The following TTC7B variants were observed in gnomAD, a reference collection of about 807,000 sequenced individuals.
TTC7B encodes tetratricopeptide repeat protein 7B.
A neutral mutation model predicts 106.8 loss-of-function variants in TTC7B; 28 were observed. That is an observed-to-expected ratio of 0.26 (90% CI 0.19 to 0.36). The LOEUF is 0.36. Among genes scored for constraint, TTC7B ranks in the 10% least tolerant of loss-of-function variants. The probability of loss-of-function intolerance (pLI) is 1.00; values close to 1 mark genes in which losing one functional copy is unlikely to be tolerated. For missense variants in TTC7B, 862 were observed against 1,076.4 expected (o/e 0.80, Z 2.79); for synonymous variants, 405 against 430.6 (o/e 0.94, Z 0.74).
intron 5 of TTC7B, among the ~76,000 whole-genome samples, chr14:90,729,084 T>C (rs781350763): frequency 6.6e-6 from 1 of 152,230 alleles, no homozygotes; most frequent in African/African-American, 2.4e-5. Context: ...CAGCCTTTTG[T>C]AGGCCATGTG....
intron 18 of TTC7B, among the ~76,000 whole-genome samples, chr14:90,592,369 G>C (rs1891993778): frequency 6.6e-6 from 1 of 152,186 alleles, no homozygotes. Flanking sequence ...TAAATCCACA[G>C]CCATTATTTC....
chr14:90,736,150 C>CTATATATATATATATATATATATA (rs36062485), intron 4 of TTC7B, among the ~76,000 whole-genome samples: 211 of 146,612 alleles, frequency 1.4e-3, no homozygotes, highest in African/African-American at 5.0e-3. Context: ...TAATTTAGAG[C>CTATATATATATATATATATATATA]TATATATATA....
chr14:90,603,155 C>A, intron 17 of TTC7B: 3 of 828,974 alleles, frequency 3.6e-6, no homozygotes, highest in South Asian at 1.5e-5. Flanking sequence ...GTCATCTCAG[C>A]ATTCTCAGCA....
At chr14:90,728,337 C>CAAAAAAAAAAAAAAAAAAAAA (rs35504744) in intron 5 of TTC7B, among the ~76,000 whole-genome samples, 1 of 40,036 alleles carries the variant, frequency 2.5e-5, no homozygotes, top group African/African-American at 1.1e-4. Flanking sequence ...GTCCCCCCCG[C>CAAAAAAAAAAAAAAAAAAAAA]AAAAAAAAAA....
Position 90,535,751 on chromosome 14 carries a change from G to A in TTC7B, c.*5617C>T, listed in dbSNP as rs1889404906. On this transcript the variant is annotated 3_prime_UTR_variant, in exon 20 of 20. Transcript: ENST00000328459. ...CGTAAGAAAACCGCCACAGACAGGT[G>A]GCTTCAACAATGAACTTAATTTCTC... The A allele has an allele frequency of 6.6e-6, 1 of 152,270 alleles. No homozygotes were observed. The highest frequency in any genetic ancestry group is 6.5e-5 in the Admixed American group (1 of 15,282). The allele number at this position is 152,270 out of a possible 1,614,324, so 9.4% of individuals were successfully genotyped here.
Position 90,531,592 on chromosome 14 carries a change from C to T in TTC7B, c.*9776G>A, listed in dbSNP as rs924883234. The stretch of plus-strand genomic sequence containing the variant: ...CGAGATTGTGCCATTGCGCTCCAGC[C>T]TGGACAACAAGAGCGAAACTCCTTC... On this transcript the variant is annotated 3_prime_UTR_variant, in exon 20 of 20. Transcript: ENST00000328459. The T allele has an allele frequency of 2.0e-5, 3 of 146,492 alleles. No homozygotes were observed. The highest frequency in any genetic ancestry group is 3.6e-3 in the Middle Eastern group (1 of 278). The allele number at this position is 146,492 out of a possible 1,614,324, so 9.1% of individuals were successfully genotyped here.
chr14:90,616,468 G>A (rs1277993313), intron 16 of TTC7B, among the ~76,000 whole-genome samples: 5 of 150,402 alleles, frequency 3.3e-5, no homozygotes, highest in African/African-American at 4.9e-5. Flanking sequence ...GCAGCACAGC[G>A]CCGCGCCGCT....
intron 1 of TTC7B, among the ~76,000 whole-genome samples, chr14:90,809,341 T>C (rs1304230458): frequency 6.6e-6 from 1 of 152,270 alleles, no homozygotes; most frequent in East Asian, 1.9e-4. Context: ...CTAATTCACA[T>C]GCTTGCACTT....
At chr14:90,581,407 C>T (rs991614298) in intron 18 of TTC7B, among the ~76,000 whole-genome samples, 1 of 152,232 alleles carries the variant, frequency 6.6e-6, no homozygotes, top group Non-Finnish European at 1.5e-5. Context: ...CAAACACCCT[C>T]CTAATGACAC....
In TTC7B at chr14:90,525,234, G is replaced by C. The variant is rs923790945; in HGVS notation, c.*16134C>G. ...CTTTTTTGACTGGCTCCTTCAACTC[G>C]TCACCACTACCTGGAGATTCACCCA... On this transcript the variant is annotated 3_prime_UTR_variant, in exon 20 of 20. Transcript: ENST00000328459. 6.6e-6 allele frequency: 1 copy of C among 152,076 alleles called. No individual in the cohort carries two copies. Among genetic ancestry groups the C allele is most frequent in the Non-Finnish European group, 1.5e-5 (1 of 68,044 alleles). The allele number at this position is 152,076 out of a possible 1,614,324, so 9.4% of individuals were successfully genotyped here.
chr14:90,641,097 T>C (rs145794460), intron 15 of TTC7B, among the ~76,000 whole-genome samples: 54 of 152,346 alleles, frequency 3.5e-4, no homozygotes, highest in African/African-American at 1.3e-3. Context: ...ATCTTCTCAA[T>C]TGTTGATTCT....
intron 4 of TTC7B, among the ~76,000 whole-genome samples, chr14:90,736,453 T>C (rs149139219): frequency 0.048 from 7,221 of 151,988 alleles, 203 homozygotes; most frequent in Non-Finnish European, 0.06. Flanking sequence ...GCACCTGTAA[T>C]CCCAGCTACT....
rs539110416 is a variant in TTC7B, at chr14:90,805,037, G to C, written c.121+11138C>G. Among the ~76,000 whole-genome samples the C allele has an allele frequency of 1.2e-3, 189 of 152,254 alleles. No individual in the cohort carries two copies. Among genetic ancestry groups the C allele is most frequent in the African/African-American group, 4.5e-3 (186 of 41,554 alleles). ...AAGCCAGGACTCACCCGGAGCCCCA[G>C]GCAGGCAGGGCTACACAGCCACCCT... On this transcript the variant is annotated intron_variant, in intron 1 of 19. Transcript: ENST00000328459. This position sits in a 1 kb window ranked among gnomAD's most constrained non-coding sequence, Gnocchi z 4.0.
intron 17 of TTC7B, among the ~76,000 whole-genome samples, chr14:90,598,982 T>C (rs1892323071): frequency 6.6e-6 from 1 of 152,008 alleles, no homozygotes; most frequent in Non-Finnish European, 1.5e-5. Flanking sequence ...ACCCTGTCTC[T>C]ACTAAAAATA....
chr14:90,541,460 C>G lies in TTC7B; in HGVS notation c.2440G>C (p.Asp814His). 6.2e-7 allele frequency: 1 copy of G among 1,614,032 alleles called. No homozygotes were observed. The highest frequency in any genetic ancestry group is 8.5e-7 in the Non-Finnish European group (1 of 1,179,982). ...LGEVLQAQGN[D>H]AAATECFLTA... Reference sequence around the variant, plus strand: ...AGGAAGCACTCCGTAGCCGCCGCATCGTTGCCCTGAGCTTGGAGGACCTCG... The same window carrying G: ...AGGAAGCACTCCGTAGCCGCCGCATGGTTGCCCTGAGCTTGGAGGACCTCG... The change falls in exon 20 of 20, where the codon GAT becomes CAT. Residue 814 changes from aspartate to histidine, a missense_variant. Coordinates refer to ENST00000328459, the MANE Select transcript of TTC7B (RefSeq NM_001010854.2).
At chr14:90,690,234 A>G (rs1232671798) in intron 6 of TTC7B, among the ~76,000 whole-genome samples, 1 of 152,210 alleles carries the variant, frequency 6.6e-6, no homozygotes, top group Admixed American at 6.5e-5. Context: ...CCGAGGACTC[A>G]GCACCTGAGT....
intron 8 of TTC7B, among the ~76,000 whole-genome samples, chr14:90,677,193 T>C (rs1238086068): frequency 6.6e-6 from 1 of 152,194 alleles, no homozygotes; most frequent in Admixed American, 6.5e-5. Context: ...TTCAAATCCC[T>C]ATATGACATC....
intron 19 of TTC7B, among the ~76,000 whole-genome samples, chr14:90,569,203 T>G (rs1595166609): frequency 6.6e-6 from 1 of 152,170 alleles, no homozygotes; most frequent in East Asian, 1.9e-4. Context: ...TGAAAAGGCC[T>G]CGGTGCTGTG....
chr14:90,713,709 C>G (rs1336725664), intron 5 of TTC7B, among the ~76,000 whole-genome samples: 1 of 152,186 alleles, frequency 6.6e-6, no homozygotes. Context: ...GAAGTGAAAA[C>G]ACATGTTTAC....
Sources: allele counts gnomAD v4.1 joint callset (sites outside exome capture counted in the v4.1 genomes callset), GRCh38; gene constraint gnomAD v4.1.1; non-coding constraint Gnocchi (gnomAD v3.1); transcripts MANE v1.5; gene names NCBI Gene and HGNC (gene_info 2026-07-23, HGNC 2026-07-21).